RBFOX1: variants seen among roughly 807,000 people sequenced by gnomAD.
RBFOX1 encodes the protein RNA binding fox-1 homolog 1, also known as RNA binding protein fox-1 homolog 1.
A neutral mutation model predicts 57.7 loss-of-function variants in RBFOX1; 8 were observed. The ratio of observed to expected loss-of-function variants is 0.14; its 90% confidence interval spans 0.08 to 0.25. RBFOX1 has a LOEUF of 0.25. Among genes scored for constraint, RBFOX1 ranks in the 10% least tolerant of loss-of-function variants. The probability of loss-of-function intolerance (pLI) is 1.00; values close to 1 mark genes in which losing one functional copy is unlikely to be tolerated. For missense variants in RBFOX1, 611 were observed against 548.5 expected, an observed-to-expected ratio of 1.11 and a Z score of -1.14; for synonymous variants, 326 against 222.4, an observed-to-expected ratio of 1.47 and a Z score of -4.15.
intron 2 of RBFOX1, among the ~76,000 whole-genome samples, chr16:6,516,203 AT>A (rs2096374866): frequency 6.6e-6 from 1 of 152,008 alleles, no homozygotes; most frequent in African/African-American, 2.4e-5. Context: ...TAATACTTGT[AT>A]TTTTAGTAGT....
chr16:7,619,142 C>T (rs1048591092), intron 10 of RBFOX1, among the ~76,000 whole-genome samples: 1 of 151,922 alleles, frequency 6.6e-6, no homozygotes, highest in African/African-American at 2.4e-5. Context: ...AAAGGTTAAT[C>T]GATGCACACT....
rs558350725 is a variant in RBFOX1 at position 6,090,626 on chromosome 16, C to T, written c.-127+70634C>T. On this transcript the variant is annotated intron_variant, in intron 1 of 15. Coordinates refer to ENST00000550418, the MANE Select transcript of RBFOX1 (RefSeq NM_018723.4). Reference sequence around the variant, plus strand: ...TTTGTTTCACAAGTCTAATGCATTACGTTACCATATTGATCTTTACTCTTC... The same window carrying T: ...TTTGTTTCACAAGTCTAATGCATTATGTTACCATATTGATCTTTACTCTTC... 2.6e-4 allele frequency among the ~76,000 whole-genome samples: 40 copies of T among 152,286 alleles called. No individual in the cohort carries two copies. In the South Asian group the frequency reaches 5.6e-3, roughly 21 times the overall value.
rs569253036 is a variant in RBFOX1, at chr16:7,619,979, T to C, written c.677-10624T>C. Among the ~76,000 whole-genome samples the C allele has an allele frequency of 1.2e-4, 18 of 152,298 alleles. No homozygotes were observed. The East Asian group carries it at 3.1e-3, about 26-fold the overall frequency. ...GACTTCCCACTAGAAGCTAGACATATCTTATCACATTAAAACTCCTAAGTT... is the reference window on the plus strand; with the variant it reads ...GACTTCCCACTAGAAGCTAGACATACCTTATCACATTAAAACTCCTAAGTT... On this transcript the variant is annotated intron_variant, in intron 10 of 15. Transcript: ENST00000550418.
chr16:5,607,701 C>G (rs987913167), intron 3 of RBFOX1, among the ~76,000 whole-genome samples: 1 of 152,198 alleles, frequency 6.6e-6, no homozygotes, highest in African/African-American at 2.4e-5. Context: ...ATACTTCTCT[C>G]TGTCGACACT....
In RBFOX1 at chr16:7,206,395, A is replaced by G. The variant is rs2089975820; in HGVS notation, c.27+154297A>G. 2.6e-5 allele frequency among the ~76,000 whole-genome samples: 4 copies of G among 151,728 alleles called. No homozygotes were observed. The South Asian group carries it at 8.3e-4, about 32-fold the overall frequency. On this transcript the variant is annotated intron_variant, in intron 4 of 15. Transcript: ENST00000550418. Reference sequence around the variant, plus strand: ...AAATACACTACATGCATTTTTAGCAATTAGAATATTTACTTACTGAAATAT... The same window carrying G: ...AAATACACTACATGCATTTTTAGCAGTTAGAATATTTACTTACTGAAATAT...
intron 3 of RBFOX1, among the ~76,000 whole-genome samples, chr16:5,840,377 C>A (rs9889110): frequency 1.3e-5 from 2 of 152,002 alleles, no homozygotes; most frequent in South Asian, 2.1e-4. Context: ...CCCCCTGTCC[C>A]CAGCGTCTGA....
intron 4 of RBFOX1, among the ~76,000 whole-genome samples, chr16:7,189,822 C>T (rs771777377): frequency 6.6e-5 from 10 of 152,228 alleles, no homozygotes; most frequent in Non-Finnish European, 1.5e-4. Context: ...CTCCAGCTTT[C>T]TGGAAGAATC....
At chr16:5,856,251 GTATATATATGTA>G (rs1197377153) in intron 3 of RBFOX1, among the ~76,000 whole-genome samples, 7 of 21,282 alleles carry the variant, frequency 3.3e-4, no homozygotes, top group African/African-American at 1.2e-3. Flanking sequence ...GTATATATAT[GTATATATATGTA>G]TATATATATA....
intron 3 of RBFOX1, among the ~76,000 whole-genome samples, chr16:6,955,263 A>T (rs1033498447): frequency 2.6e-5 from 4 of 151,912 alleles, no homozygotes; most frequent in Non-Finnish European, 5.9e-5. Flanking sequence ...GAAAAAAAGA[A>T]ATTTAATCTA....
chr16:6,812,348 C>T (rs2088891758), intron 3 of RBFOX1, among the ~76,000 whole-genome samples: 2 of 152,080 alleles, frequency 1.3e-5, no homozygotes, highest in South Asian at 4.1e-4. Flanking sequence ...TGCCAATTAG[C>T]ACTGCAAAGT....
rs1289830992 is a variant in RBFOX1, at chr16:7,512,501, G to A, written c.28-5646G>A. Among the ~76,000 whole-genome samples, 4 of 152,162 alleles carry A rather than the reference G, an allele frequency of 2.6e-5. No individual in the cohort carries two copies. The East Asian group carries it at 5.8e-4, about 22-fold the overall frequency. ...ATATTAATTAGGGTCTCTCTGGAAC[G>A]GCTGTCAGTGTTAATAAGTAACTGT... On this transcript the variant is annotated intron_variant, in intron 4 of 15. Transcript: ENST00000550418.
At chr16:5,404,870 C>T (rs78434351) in intron 1 of RBFOX1, among the ~76,000 whole-genome samples, 3,338 of 152,276 alleles carry the variant, frequency 0.022, 65 homozygotes, top group Non-Finnish European at 0.033. Context: ...GTCTTAACCA[C>T]CAGGAAAAGA....
At chr16:7,447,358 G>A (rs888765733) in intron 4 of RBFOX1, among the ~76,000 whole-genome samples, 6 of 151,148 alleles carry the variant, frequency 4.0e-5, no homozygotes, top group South Asian at 4.2e-4. Flanking sequence ...GCTTGAGCCT[G>A]GGAGACGGAG....
chr16:6,743,125 A>G (rs2072692496), intron 3 of RBFOX1, among the ~76,000 whole-genome samples: 1 of 152,212 alleles, frequency 6.6e-6, no homozygotes, highest in African/African-American at 2.4e-5. Context: ...AGTTATAAAG[A>G]TTTGCCTTTT....
chr16:7,224,849 C>T (rs528190523), intron 4 of RBFOX1, among the ~76,000 whole-genome samples: 4 of 152,106 alleles, frequency 2.6e-5, no homozygotes, highest in African/African-American at 2.4e-5. Flanking sequence ...CCAGACACAC[C>T]TACTGGATCA....
chr16:7,196,623 C>A (rs1036982820), intron 4 of RBFOX1, among the ~76,000 whole-genome samples: 1 of 152,126 alleles, frequency 6.6e-6, no homozygotes, highest in South Asian at 2.1e-4. Flanking sequence ...AGGGTCAATG[C>A]CTTCAAAGAA....
At chr16:7,532,132 CTT>C (rs545574581) in intron 5 of RBFOX1, among the ~76,000 whole-genome samples, 5,991 of 95,230 alleles carry the variant, frequency 0.063, 173 homozygotes, top group South Asian at 0.23. Context: ...AACTAGCTAC[CTT>C]TTTTTTTTTT....
intron 2 of RBFOX1, among the ~76,000 whole-genome samples, chr16:6,591,878 T>A (rs2097716116): frequency 6.6e-6 from 1 of 152,176 alleles, no homozygotes; most frequent in Non-Finnish European, 1.5e-5. Flanking sequence ...GGAAAAGACA[T>A]GAGAAAACAC....
chr16:5,416,680 CTT>C (rs35102139), intron 1 of RBFOX1, among the ~76,000 whole-genome samples: 1 of 144,272 alleles, frequency 6.9e-6, no homozygotes. Flanking sequence ...TGTAATGTGT[CTT>C]TTTTTTTTTT....
Sources: allele counts gnomAD v4.1 joint callset (sites outside exome capture counted in the v4.1 genomes callset), GRCh38; gene constraint gnomAD v4.1.1; transcripts MANE v1.5; gene names NCBI Gene and HGNC (gene_info 2026-07-23, HGNC 2026-07-21).